The following RNF141 variants were observed in gnomAD, a reference collection of about 807,000 sequenced individuals.
The protein encoded by RNF141 is ring finger protein 141, also known as C3HC4-like zinc finger protein.
RNF141 carries 18 observed loss-of-function variants against 27.4 expected under a neutral mutation model. The observed-to-expected ratio is 0.66, with a 90% confidence interval of 0.45 to 0.97. The LOEUF (loss-of-function observed/expected upper bound fraction) is 0.97, where lower values mean the gene tolerates loss of function less well. RNF141 is among the 50% of genes least tolerant of loss of function. RNF141 has a pLI of 0.00. For missense variants in RNF141, 230 were observed against 279.4 expected, an observed-to-expected ratio of 0.82 and a Z score of 1.26; for synonymous variants, 97 against 96.6, an observed-to-expected ratio of 1.00 and a Z score of -0.02.
Position 10,514,177 on chromosome 11 carries a change from C to T in RNF141, c.*739G>A, listed in dbSNP as rs1849824922. 1 of 152,146 alleles carries T rather than the reference C, an allele frequency of 6.6e-6. No homozygotes were observed. The highest frequency in any genetic ancestry group is 1.5e-5 in the Non-Finnish European group (1 of 68,014). 9.4% of individuals were successfully genotyped at this position (152,146 alleles called of 1,614,324 possible). ...TTATCAAAGCCATTTAGAACAGTTA[C>T]CCAGCTGTGGGAAAGCATTTCCAGA... On this transcript the variant is annotated 3_prime_UTR_variant, in exon 6 of 6. Transcript: ENST00000265981.
chr11:10,525,424 AT>A, intron 3 of RNF141, 51 bp from the exon 4 acceptor site: 1 of 1,420,120 alleles, frequency 7.0e-7, no homozygotes, highest in Non-Finnish European at 9.5e-7. Flanking sequence ...TCTCTGACCA[AT>A]TTTTCCCAAA....
intron 1 of RNF141, among the ~76,000 whole-genome samples, chr11:10,538,914 A>G (rs1387777222): frequency 1.3e-5 from 2 of 152,240 alleles, no homozygotes; most frequent in Non-Finnish European, 2.9e-5. Context: ...ATAATTTGCA[A>G]ACCACTGGCA....
Position 10,518,503 on chromosome 11 carries a change from T to G in RNF141, c.542+531A>C, listed in dbSNP as rs570772122. The G allele has an allele frequency of 2.0e-5, 3 of 152,426 alleles. No individual in the cohort carries two copies. The South Asian group carries it at 6.2e-4, about 32-fold the overall frequency. 9.4% of individuals were successfully genotyped at this position (152,426 alleles called of 1,614,324 possible). On this transcript the variant is annotated intron_variant, in intron 5 of 5. Coordinates refer to ENST00000265981, the MANE Select transcript of RNF141 (RefSeq NM_016422.4). ...AGCCAGACAAAAAAAGCACATATTA[T>G]ATGATTCCATTTATAAAAATTCATA...
rs146767198 is a variant in RNF141 at position 10,526,832 on chromosome 11, C to T, written c.253-1459G>A. 6.4e-3 allele frequency among the ~76,000 whole-genome samples: 968 copies of T among 150,956 alleles called. 5 individuals are homozygous for T. Among genetic ancestry groups the T allele is most frequent in the Non-Finnish European group, 0.01 (710 of 67,794 alleles). ...TATACCATACTAAGAAATTTTAGAA[C>T]CATCTCTAATAATCAGAAAGTTGAT... On this transcript the variant is annotated intron_variant, in intron 3 of 5. Transcript: ENST00000265981.
intron 5 of RNF141, 35 bp from the exon 6 acceptor site, chr11:10,515,101 C>A (rs1849833350): frequency 6.4e-7 from 1 of 1,571,522 alleles, no homozygotes. Flanking sequence ...AGTTTGCTTT[C>A]TTCTTTTTTA....
intron 3 of RNF141, among the ~76,000 whole-genome samples, chr11:10,527,782 G>A (rs1267981086): frequency 6.6e-6 from 1 of 152,148 alleles, no homozygotes; most frequent in Admixed American, 6.5e-5. Flanking sequence ...AGAGAAGCAG[G>A]GAGATCAGTT....
At chr11:10,534,330 C>G in intron 1 of RNF141, 125 bp from the exon 2 acceptor site, 1 of 583,924 alleles carries the variant, frequency 1.7e-6, no homozygotes, top group Non-Finnish European at 2.9e-6. Context: ...CTACATGAGT[C>G]TAAGGTAGAA....
chr11:10,526,730 C>A (rs185799465), intron 3 of RNF141, among the ~76,000 whole-genome samples: 3 of 150,366 alleles, frequency 2.0e-5, no homozygotes, highest in Admixed American at 1.3e-4. Flanking sequence ...TGCAGTGAGC[C>A]GAGATGGCGC....
intron 4 of RNF141, among the ~76,000 whole-genome samples, chr11:10,519,606 A>C (rs1849870645): frequency 6.6e-6 from 1 of 152,242 alleles, no homozygotes; most frequent in South Asian, 2.1e-4. Flanking sequence ...CTACATACCT[A>C]GGCTATATGG....
At chr11:10,532,542 A>ACACACC (rs1564868792) in intron 2 of RNF141, among the ~76,000 whole-genome samples, 12 of 119,130 alleles carry the variant, frequency 1.0e-4, no homozygotes, top group Admixed American at 9.7e-4. Context: ...CACACACCCC[A>ACACACC]CAACTATATA....
chr11:10,523,526 C>G (rs1482970150), intron 4 of RNF141, among the ~76,000 whole-genome samples: 1 of 152,196 alleles, frequency 6.6e-6, no homozygotes, highest in Admixed American at 6.5e-5. Context: ...AATTATGCAT[C>G]AGATGTAAAG....
At chr11:10,515,802 T>G (rs1364442456) in intron 5 of RNF141, 2 of 152,206 alleles carry the variant, frequency 1.3e-5, no homozygotes, top group South Asian at 4.1e-4. Flanking sequence ...CTATGGCTCA[T>G]AAGCAACAGG....
intron 3 of RNF141, among the ~76,000 whole-genome samples, chr11:10,529,072 A>C (rs185738028): frequency 6.6e-6 from 1 of 152,338 alleles, no homozygotes; most frequent in African/African-American, 2.4e-5. Context: ...CTACTGGCTG[A>C]TTATCCAAAT....
intron 4 of RNF141, among the ~76,000 whole-genome samples, 191 bp from the exon 5 acceptor site, chr11:10,519,332 A>G (rs1316286031): frequency 6.6e-6 from 1 of 152,214 alleles, no homozygotes; most frequent in Admixed American, 6.5e-5. Context: ...AAAAAGTATT[A>G]AGAGGGCTAC....
intron 1 of RNF141, among the ~76,000 whole-genome samples, chr11:10,540,486 C>T (rs548694023): frequency 1.3e-5 from 2 of 152,250 alleles, no homozygotes; most frequent in South Asian, 2.1e-4. Flanking sequence ...TAATCACTAC[C>T]TTCTTATTAT....
chr11:10,534,029 C>A lies in RNF141; in HGVS notation c.130G>T (p.Glu44Ter). The A allele has an allele frequency of 6.2e-7, 1 of 1,613,324 alleles. No individual in the cohort carries two copies. The highest frequency in any genetic ancestry group is 8.5e-7 in the Non-Finnish European group (1 of 1,179,584). ...AGCAAGCCTTACACATCATTAAGCTCAGCTACTCTCCCAAGAAATTCTTCA... is the reference window on the plus strand; with the variant it reads ...AGCAAGCCTTACACATCATTAAGCTAAGCTACTCTCCCAAGAAATTCTTCA... Reference protein sequence around the residue: ...TYEEFLGRVAELNDVTAKVAS... With the variant: ...TYEEFLGRVA Residue 44 changes from glutamate (E) to a stop codon, truncating the protein, a stop_gained, in exon 2 of 6, where the codon GAG becomes TAG. Coordinates refer to ENST00000265981, the MANE Select transcript of RNF141 (RefSeq NM_016422.4). LOFTEE classifies it high-confidence loss of function.
chr11:10,524,814 A>T (rs544234938), intron 4 of RNF141, among the ~76,000 whole-genome samples: 27 of 151,302 alleles, frequency 1.8e-4, no homozygotes, highest in East Asian at 7.7e-4. Context: ...GACATTTTTT[A>T]AAAAAAGTGG....
intron 1 of RNF141, among the ~76,000 whole-genome samples, chr11:10,538,995 C>A (rs1850061491): frequency 6.6e-6 from 1 of 152,076 alleles, no homozygotes; most frequent in Non-Finnish European, 1.5e-5. Context: ...ATTATTGTGC[C>A]ACCTATAACA....
Position 10,525,175 on chromosome 11 carries a change from A to G in RNF141, c.434+17T>C, listed in dbSNP as rs751287429. The G allele has an allele frequency of 4.6e-6, 7 of 1,523,410 alleles. No individual in the cohort carries two copies. The highest frequency in any genetic ancestry group is 2.8e-5 in the African/African-American group (2 of 72,058). The allele number at this position is 1,523,410 out of a possible 1,614,324, so 94.4% of individuals were successfully genotyped here. ...TATTAGAAAATAAGTGAAATACAAT[A>G]CTTATGCATTATATACCTTCCCATC... On this transcript the variant is annotated intron_variant, in intron 4 of 5. Transcript: ENST00000265981.
Sources: allele counts gnomAD v4.1 joint callset (sites outside exome capture counted in the v4.1 genomes callset), GRCh38; gene constraint gnomAD v4.1.1; transcripts MANE v1.5; gene names NCBI Gene and HGNC (gene_info 2026-07-23, HGNC 2026-07-21).